GRM5: variants seen among roughly 807,000 people sequenced by gnomAD.
The protein encoded by GRM5 is glutamate metabotropic receptor 5.
A neutral mutation model predicts 83.1 loss-of-function variants in GRM5; 19 were observed. The observed-to-expected ratio is 0.23, with a 90% CI of 0.16 to 0.34. The LOEUF is 0.34. GRM5 is among the 10% of genes least tolerant of loss of function. The pLI, the probability that GRM5 is intolerant of heterozygous loss-of-function variation, is 1.00. For missense variants in GRM5, 1,160 were observed against 1,588.3 expected (o/e 0.73, Z 4.58); for synonymous variants, 675 against 633.6 (o/e 1.07, Z -0.98).
At chr11:88,986,478 T>A (rs1391440429) in intron 2 of GRM5, among the ~76,000 whole-genome samples, 1 of 152,192 alleles carries the variant, frequency 6.6e-6, no homozygotes, top group Non-Finnish European at 1.5e-5. Flanking sequence ...TGCATTTGTA[T>A]ATTTTCTTTG....
chr11:88,839,053 G>T (rs1309312783), intron 3 of GRM5, among the ~76,000 whole-genome samples: 2 of 151,960 alleles, frequency 1.3e-5, no homozygotes. Context: ...CTTCTCAGTT[G>T]GTTTCCTCCA....
intron 3 of GRM5, among the ~76,000 whole-genome samples, chr11:88,682,287 A>C (rs903574408): frequency 1.3e-5 from 2 of 152,180 alleles, no homozygotes; most frequent in African/African-American, 4.8e-5. Flanking sequence ...AGGTGGCTGA[A>C]CTAAGGAGGC....
chr11:88,584,755 A>G (rs1370772925), intron 7 of GRM5, among the ~76,000 whole-genome samples: 1 of 152,146 alleles, frequency 6.6e-6, no homozygotes, highest in African/African-American at 2.4e-5. Context: ...ATTTTCTTTC[A>G]TATTCAATTT....
chr11:88,859,450 A>G (rs529198235), intron 2 of GRM5, among the ~76,000 whole-genome samples: 1 of 152,216 alleles, frequency 6.6e-6, no homozygotes, highest in East Asian at 1.9e-4. Flanking sequence ...TATTTGGTAA[A>G]AGGTTAATAA....
At chr11:88,557,806 G>A (rs1942661742) in intron 8 of GRM5, among the ~76,000 whole-genome samples, 2 of 150,694 alleles carry the variant, frequency 1.3e-5, no homozygotes, top group African/African-American at 4.9e-5. Context: ...AGAACATGTA[G>A]GTTTGTTACA....
intron 4 of GRM5, 74 bp from the exon 5 acceptor site, chr11:88,605,038 G>A (rs1938103966): frequency 1.6e-6 from 2 of 1,221,040 alleles, no homozygotes; most frequent in African/African-American, 3.0e-5. Flanking sequence ...ACTGAATAAT[G>A]GGTTACCTGT....
intron 1 of GRM5, among the ~76,000 whole-genome samples, chr11:89,062,432 AG>A (rs1942014609): frequency 6.6e-6 from 1 of 152,248 alleles, no homozygotes; most frequent in Non-Finnish European, 1.5e-5. Context: ...GCCCAGGATT[AG>A]AGACACAAAT....
At chr11:88,743,172 T>C (rs977529908) in intron 3 of GRM5, among the ~76,000 whole-genome samples, 5 of 152,070 alleles carry the variant, frequency 3.3e-5, no homozygotes, top group African/African-American at 1.2e-4. Flanking sequence ...ACCCACAGTT[T>C]TAAGGGAAAA....
At chr11:88,791,264 G>A (rs1313925759) in intron 3 of GRM5, among the ~76,000 whole-genome samples, 1 of 152,262 alleles carries the variant, frequency 6.6e-6, no homozygotes, top group African/African-American at 2.4e-5. Context: ...AGATGCTTAC[G>A]AAAAATGCAC....
intron 2 of GRM5, among the ~76,000 whole-genome samples, chr11:89,013,940 CA>C (rs762012286): frequency 1.1e-4 from 17 of 152,158 alleles, no homozygotes; most frequent in Admixed American, 3.9e-4. Flanking sequence ...CCACTTCTTA[CA>C]AAGTACATTA....
intron 7 of GRM5, among the ~76,000 whole-genome samples, chr11:88,584,377 T>A (rs1397112715): frequency 6.6e-6 from 1 of 152,132 alleles, no homozygotes; most frequent in African/African-American, 2.4e-5. Context: ...ACATTGTGAC[T>A]ATGTAAATAA....
intron 2 of GRM5, among the ~76,000 whole-genome samples, chr11:88,977,813 C>T (rs1939389406): frequency 6.6e-6 from 1 of 152,176 alleles, no homozygotes; most frequent in Admixed American, 6.5e-5. Flanking sequence ...AAATTCTGTG[C>T]TGCTTATGAC....
At chr11:88,987,980 C>G (rs1160118763) in intron 2 of GRM5, among the ~76,000 whole-genome samples, 1 of 151,364 alleles carries the variant, frequency 6.6e-6, no homozygotes, top group Non-Finnish European at 1.5e-5. Context: ...AATGCAGTTC[C>G]TCACCAGCAA....
chr11:88,601,523 C>T (rs142987918), intron 5 of GRM5, among the ~76,000 whole-genome samples: 5 of 152,118 alleles, frequency 3.3e-5, no homozygotes, highest in African/African-American at 7.2e-5. Flanking sequence ...TTTTATTCTA[C>T]TTAATATTGA....
intron 2 of GRM5, among the ~76,000 whole-genome samples, chr11:88,963,525 A>G (rs1482134360): frequency 6.6e-6 from 1 of 152,200 alleles, no homozygotes; most frequent in East Asian, 1.9e-4. Flanking sequence ...TGGCTGAAAT[A>G]CAGTTATGCT....
intron 2 of GRM5, among the ~76,000 whole-genome samples, chr11:88,937,634 G>A (rs1937943326): frequency 6.6e-6 from 1 of 151,668 alleles, no homozygotes; most frequent in South Asian, 2.1e-4. Context: ...TGTAACACAA[G>A]TTTGTTGGAC....
At position 88,998,038 on chromosome 11, in the gene GRM5, G is replaced by A. The variant is rs1163665716; in HGVS notation, c.661+49174C>T. Among the ~76,000 whole-genome samples, 7 of 150,218 alleles carry A rather than the reference G, an allele frequency of 4.7e-5. No individual in the cohort carries two copies. The South Asian group carries it at 1.5e-3, about 32-fold the overall frequency. ...TAACAAAAAAAAATGAGAGGGGGCA[G>A]GAGAAGAAAAATATGAGAGGCGGAG... On this transcript the variant is annotated intron_variant, in intron 2 of 9. Transcript: ENST00000305447.
intron 3 of GRM5, among the ~76,000 whole-genome samples, chr11:88,751,078 A>AT (rs1416648472): frequency 2.1e-5 from 3 of 141,050 alleles, no homozygotes; most frequent in Admixed American, 7.2e-5. Context: ...AAGCCAAAAA[A>AT]AAAAAAAAAA....
rs190857394 is a variant in GRM5, at chr11:89,046,105, C to T, written c.661+1107G>A. 8.5e-5 allele frequency among the ~76,000 whole-genome samples: 13 copies of T among 152,214 alleles called. No homozygotes were observed. In the East Asian group the frequency reaches 2.3e-3, roughly 27 times the overall value. On this transcript the variant is annotated intron_variant, in intron 2 of 9. Coordinates refer to ENST00000305447, the MANE Select transcript of GRM5 (RefSeq NM_001143831.3). ...TGCCAGATTGCAATCCCACTGAAGT[C>T]TGTGATATAGAAAACAAAGGGCTAT...
Sources: gnomAD v4.1 joint callset for allele counts (sites outside exome capture counted in the v4.1 genomes callset) on GRCh38, gnomAD v4.1.1 for gene constraint, MANE v1.5 for transcripts, NCBI Gene and HGNC (gene_info 2026-07-23, HGNC 2026-07-21) for gene names.